Variants in NDUFB3 observed in about 807,000 individuals in gnomAD.
NDUFB3 encodes NADH:ubiquinone oxidoreductase subunit B3.
Under a neutral mutation model 9.0 loss-of-function variants are expected in NDUFB3, and 7 were observed. The observed-to-expected ratio is 0.78, with a 90% CI of 0.44 to 1.46. The LOEUF (loss-of-function observed/expected upper bound fraction) is 1.46, where lower values mean the gene tolerates loss of function less well. Ranked by LOEUF, NDUFB3 falls within the 40% of genes most tolerant of loss-of-function variation. The probability of loss-of-function intolerance (pLI) is 0.01; values close to 1 mark genes in which losing one functional copy is unlikely to be tolerated. For missense variants in NDUFB3, 93 were observed against 115.4 expected (o/e 0.81, Z 0.89); for synonymous variants, 29 against 38.5 (o/e 0.75, Z 0.91).
chr2:201,080,699 CTTTT>C (rs58130221), intron 2 of NDUFB3, among the ~76,000 whole-genome samples: 1 of 99,004 alleles, frequency 1.0e-5, no homozygotes, highest in African/African-American at 4.5e-5. Context: ...AGATCTCCAA[CTTTT>C]TTTTTTTTTT....
intron 1 of NDUFB3, among the ~76,000 whole-genome samples, chr2:201,078,553 T>C (rs2047190580): frequency 6.6e-6 from 1 of 152,168 alleles, no homozygotes; most frequent in Non-Finnish European, 1.5e-5. Flanking sequence ...GTTTTAGAGG[T>C]ATTGGAGTTA....
intron 2 of NDUFB3, 108 bp from the exon 3 acceptor site, chr2:201,085,350 CT>C: frequency 1.3e-6 from 1 of 772,440 alleles, no homozygotes; most frequent in South Asian, 2.6e-5. Flanking sequence ...CTTAAATGAT[CT>C]TCTGTAGGGT....
intron 1 of NDUFB3, among the ~76,000 whole-genome samples, chr2:201,076,065 A>G (rs1398374334): frequency 1.3e-5 from 2 of 152,258 alleles, no homozygotes; most frequent in East Asian, 3.8e-4. Flanking sequence ...CTCAAAAGTC[A>G]GTCTGAAGTC....
At chr2:201,083,694 C>A (rs2047258462) in intron 2 of NDUFB3, among the ~76,000 whole-genome samples, 1 of 152,144 alleles carries the variant, frequency 6.6e-6, no homozygotes, top group Non-Finnish European at 1.5e-5. Context: ...GCTTTTTCTG[C>A]ATCTATTGAG....
intron 1 of NDUFB3, among the ~76,000 whole-genome samples, chr2:201,074,709 G>C (rs1008032258): frequency 6.6e-6 from 1 of 152,122 alleles, no homozygotes; most frequent in African/African-American, 2.4e-5. Flanking sequence ...ACCTGCCTTG[G>C]CCTCCCAAAT....
In NDUFB3 at chr2:201,085,679, G is replaced by A; in HGVS notation, c.*64G>A. ...TCCAAAATAAGATTTCTTCTCTGTA[G>A]CCTACTTGTCTGGTTTATCCCTTAC... On this transcript the variant is annotated 3_prime_UTR_variant, in exon 3 of 3. Coordinates refer to ENST00000237889, the MANE Select transcript of NDUFB3 (RefSeq NM_002491.3). 1 of 1,426,690 alleles carries A rather than the reference G, an allele frequency of 7.0e-7. No homozygotes were observed. The highest frequency in any genetic ancestry group is 9.6e-7 in the Non-Finnish European group (1 of 1,044,294). 88.4% of individuals were successfully genotyped at this position (1,426,690 alleles called of 1,614,324 possible).
intron 1 of NDUFB3, among the ~76,000 whole-genome samples, chr2:201,074,278 A>G (rs377482956): frequency 1.3e-5 from 2 of 151,888 alleles, no homozygotes; most frequent in African/African-American, 4.8e-5. Context: ...ATATTTTCTA[A>G]TAACGATTTG....
rs545519756 is a variant in NDUFB3, at chr2:201,080,509, G to A, written c.140+1487G>A. On this transcript the variant is annotated intron_variant, in intron 2 of 2. Coordinates refer to ENST00000237889, the MANE Select transcript of NDUFB3 (RefSeq NM_002491.3). ...CACTTGAGCCCAGGATGTCCAGGCGGCAGTGAGCCAAGATCTGGCCACTGC... is the reference window on the plus strand; with the variant it reads ...CACTTGAGCCCAGGATGTCCAGGCGACAGTGAGCCAAGATCTGGCCACTGC... Among the ~76,000 whole-genome samples the A allele has an allele frequency of 2.7e-4, 41 of 152,064 alleles. 1 individual carries two copies. The highest frequency in any genetic ancestry group is 6.6e-5 in the Admixed American group (1 of 15,236).
At chr2:201,082,186 T>C (rs2047233422) in intron 2 of NDUFB3, among the ~76,000 whole-genome samples, 1 of 152,048 alleles carries the variant, frequency 6.6e-6, no homozygotes, top group Non-Finnish European at 1.5e-5. Context: ...ACTCATGACC[T>C]CAAGTGATCC....
chr2:201,085,035 A>G (rs770262668), intron 2 of NDUFB3, among the ~76,000 whole-genome samples: 6 of 152,244 alleles, frequency 3.9e-5, no homozygotes, highest in Non-Finnish European at 8.8e-5. Context: ...GAAGCAGACC[A>G]TGACAGGCTA....
chr2:201,079,277 T>C (rs1449329879), intron 2 of NDUFB3, among the ~76,000 whole-genome samples: 1 of 151,908 alleles, frequency 6.6e-6, no homozygotes, highest in East Asian at 1.9e-4. Context: ...CCCAAGCAGC[T>C]GGGATTACAG....
intron 2 of NDUFB3, among the ~76,000 whole-genome samples, chr2:201,081,531 T>G (rs920885532): frequency 5.9e-5 from 9 of 151,840 alleles, no homozygotes; most frequent in Non-Finnish European, 1.0e-4. Flanking sequence ...CAATATTAAG[T>G]CTTCTAGTCA....
At chr2:201,079,365 G>T (rs768076272) in intron 2 of NDUFB3, among the ~76,000 whole-genome samples, 1 of 151,728 alleles carries the variant, frequency 6.6e-6, no homozygotes, top group South Asian at 2.1e-4. Context: ...AGATAGTCTC[G>T]ATCTCCTGAC....
rs767171840 is a variant in NDUFB3 at position 201,079,019 on chromosome 2, G to A, written c.137G>A (p.Gly46Asp). 6.2e-7 allele frequency: 1 copy of A among 1,607,212 alleles called. No homozygotes were observed. Among genetic ancestry groups the A allele is most frequent in the Non-Finnish European group, 8.5e-7 (1 of 1,178,370 alleles). Residue 46 changes from glycine to aspartate, a missense_variant, in exon 2 of 3, where the codon GGC (glycine) becomes GAC (aspartate). Transcript: ENST00000237889. The part of the protein sequence containing the change: ...LAAKGLRDPW[G>D]RNEAWRYMGG... ...GCAAAAGGGCTAAGGGATCCATGGG[G>A]CCGGTAAGATGAATTAAGTAATTTA...
At chr2:201,082,244 A>C (rs2047234551) in intron 2 of NDUFB3, among the ~76,000 whole-genome samples, 1 of 151,750 alleles carries the variant, frequency 6.6e-6, no homozygotes, top group Non-Finnish European at 1.5e-5. Context: ...TTGAGCCATC[A>C]GGCCTGGCGT....
In NDUFB3 at chr2:201,083,085, C is replaced by T. The variant is rs565482858; in HGVS notation, c.141-2374C>T. Among the ~76,000 whole-genome samples, 4 of 152,316 alleles carry T rather than the reference C, an allele frequency of 2.6e-5. No individual in the cohort carries two copies. The South Asian group carries it at 8.3e-4, about 32-fold the overall frequency. Reference sequence around the variant, plus strand: ...AGAATGTTCTTCATAAACAATCATTCTGTCTACAAATACATTGTTACTTCT... The same window carrying T: ...AGAATGTTCTTCATAAACAATCATTTTGTCTACAAATACATTGTTACTTCT... On this transcript the variant is annotated intron_variant, in intron 2 of 2. Transcript: ENST00000237889.
At chr2:201,075,461 G>A (rs2047154256) in intron 1 of NDUFB3, among the ~76,000 whole-genome samples, 1 of 151,126 alleles carries the variant, frequency 6.6e-6, no homozygotes, top group African/African-American at 2.4e-5. Context: ...AGCTACTCGG[G>A]AGGCTGAGGC....
intron 1 of NDUFB3, 46 bp from the exon 2 acceptor site, chr2:201,078,835 T>C: frequency 6.4e-7 from 1 of 1,553,394 alleles, no homozygotes. Flanking sequence ...GTATTTGATA[T>C]CTACAATTTG....
intron 1 of NDUFB3, among the ~76,000 whole-genome samples, chr2:201,078,198 A>G (rs2047185923): frequency 6.6e-6 from 1 of 152,204 alleles, no homozygotes; most frequent in Non-Finnish European, 1.5e-5. Context: ...GCTACTCGCC[A>G]GGCTGAGGCA....
Sources: gnomAD v4.1 joint callset for allele counts (sites outside exome capture counted in the v4.1 genomes callset) on GRCh38, gnomAD v4.1.1 for gene constraint, MANE v1.5 for transcripts, NCBI Gene and HGNC (gene_info 2026-07-23, HGNC 2026-07-21) for gene names.